Variants in FLT1 observed in about 807,000 individuals in gnomAD.
The protein encoded by FLT1 is vascular endothelial growth factor receptor 1.
Under a neutral mutation model 156.3 loss-of-function variants are expected in FLT1, and 49 were observed. The observed-to-expected ratio is 0.31, with a 90% CI of 0.25 to 0.40. FLT1 has a LOEUF of 0.40. Among genes scored for constraint, FLT1 ranks in the 10% least tolerant of loss-of-function variants. FLT1 has a pLI of 1.00. For synonymous variants in FLT1, 594 were observed against 583.8 expected (o/e 1.02, Z -0.25); for missense variants, 1,322 against 1,637.2 (o/e 0.81, Z 3.32).
At position 28,430,069 on chromosome 13, in the gene FLT1, G is replaced by A; in HGVS notation, c.1087C>T (p.Pro363Ser). The part of the protein sequence containing the change: ...YRLSMKVKAF[P>S]SPEVVWLKDG... ...TCCTACCATACAACTTCCGGCGAGG[G>A]AAATGCCTTCACTTTCATAGAGAGC... The change falls in exon 8 of 30, where the codon CCC becomes TCC. Residue 363 changes from proline to serine, a missense_variant. Transcript: ENST00000282397. 6.2e-7 allele frequency: 1 copy of A among 1,611,986 alleles called. No individual in the cohort carries two copies. The highest frequency in any genetic ancestry group is 8.5e-7 in the Non-Finnish European group (1 of 1,178,062).
intron 10 of FLT1, among the ~76,000 whole-genome samples, chr13:28,416,764 T>A (rs984225562): frequency 6.6e-6 from 1 of 152,176 alleles, no homozygotes; most frequent in African/African-American, 2.4e-5. Flanking sequence ...GGTCTTTAAG[T>A]ACCAATTTTT....
chr13:28,358,404 T>C (rs184179729), intron 14 of FLT1, among the ~76,000 whole-genome samples: 138 of 152,274 alleles, frequency 9.1e-4, no homozygotes, highest in Non-Finnish European at 1.5e-3. Flanking sequence ...AATCTTAAGA[T>C]AAAAATGAAA....
chr13:28,450,139 C>T (rs981450973), intron 3 of FLT1, among the ~76,000 whole-genome samples: 11 of 152,202 alleles, frequency 7.2e-5, no homozygotes, highest in African/African-American at 2.7e-4. Context: ...GCACTGTGCA[C>T]ACGGACAGTC....
chr13:28,387,658 C>G (rs1474972586), intron 13 of FLT1: 3 of 1,064,936 alleles, frequency 2.8e-6, no homozygotes, highest in Non-Finnish European at 3.4e-6. Flanking sequence ...CCTCACACCC[C>G]CTGTTCCATT....
chr13:28,389,167 C>A, intron 13 of FLT1: 1 of 1,067,706 alleles, frequency 9.4e-7, no homozygotes, highest in Non-Finnish European at 1.1e-6. Flanking sequence ...AAAGCATTTT[C>A]AAATAAATAA....
chr13:28,424,025 A>G (rs750168777), intron 10 of FLT1, among the ~76,000 whole-genome samples: 4 of 151,682 alleles, frequency 2.6e-5, no homozygotes, highest in Non-Finnish European at 5.9e-5. Context: ...ATCTCAGCTC[A>G]TTGCAACCTC....
At chr13:28,323,284 C>T (rs973402223) in intron 20 of FLT1, among the ~76,000 whole-genome samples, 2 of 152,084 alleles carry the variant, frequency 1.3e-5, no homozygotes, top group African/African-American at 2.4e-5. Flanking sequence ...AACAATTTTA[C>T]GAAGTAGTTC....
At chr13:28,316,802 T>C (rs1371307196) in intron 25 of FLT1, among the ~76,000 whole-genome samples, 3 of 152,064 alleles carry the variant, frequency 2.0e-5, no homozygotes, top group South Asian at 2.1e-4. Context: ...TTTGTATTTT[T>C]AGTAGAGACG....
intron 14 of FLT1, among the ~76,000 whole-genome samples, chr13:28,370,327 G>A (rs1209474342): frequency 6.6e-6 from 1 of 152,174 alleles, no homozygotes; most frequent in African/African-American, 2.4e-5. Flanking sequence ...ATGATGGGGG[G>A]AGAGGGGAAG....
At chr13:28,381,939 A>G (rs1231598078) in intron 14 of FLT1, among the ~76,000 whole-genome samples, 3 of 152,208 alleles carry the variant, frequency 2.0e-5, no homozygotes, top group Non-Finnish European at 4.4e-5. Context: ...TTATTTATTA[A>G]TTGTCAAGTA....
At position 28,354,845 on chromosome 13, in the gene FLT1, T is replaced by C. The variant is rs114720782; in HGVS notation, c.2248+2709A>G. On this transcript the variant is annotated intron_variant, in intron 15 of 29. Transcript: ENST00000282397. ...CATTATATATGCCATATATTATATA[T>C]ATGTGGCAACCCATATGGGCAATTC... Among the ~76,000 whole-genome samples, 1,180 of 152,138 alleles carry C rather than the reference T, an allele frequency of 7.8e-3. 15 individuals are homozygous for C. Among genetic ancestry groups the C allele is most frequent in the African/African-American group, 0.026 (1,093 of 41,500 alleles).
intron 1 of FLT1, among the ~76,000 whole-genome samples, chr13:28,473,765 G>A (rs1320395010): frequency 1.1e-4 from 10 of 92,542 alleles, no homozygotes; most frequent in Admixed American, 3.6e-4. Context: ...AAGGAAGGAA[G>A]GAAGGAAGGA....
At chr13:28,315,247 T>C (rs1182317669) in intron 25 of FLT1, among the ~76,000 whole-genome samples, 1 of 152,198 alleles carries the variant, frequency 6.6e-6, no homozygotes, top group Non-Finnish European at 1.5e-5. Context: ...TACTATTCAA[T>C]ACTGTTATAA....
chr13:28,442,016 C>T (rs571601829), intron 3 of FLT1, among the ~76,000 whole-genome samples: 1 of 152,262 alleles, frequency 6.6e-6, no homozygotes, highest in East Asian at 1.9e-4. Flanking sequence ...TAGAATGAGA[C>T]ATTAACTGTC....
At chr13:28,329,870 T>C (rs1871854912) in intron 18 of FLT1, 142 bp from the exon 19 acceptor site, 1 of 727,246 alleles carries the variant, frequency 1.4e-6, no homozygotes, top group African/African-American at 1.7e-5. Context: ...AGGCCAAGTC[T>C]CCAGACTGTT....
At chr13:28,473,822 GA>G (rs1413619383) in intron 1 of FLT1, among the ~76,000 whole-genome samples, 20 of 123,638 alleles carry the variant, frequency 1.6e-4, no homozygotes, top group Non-Finnish European at 2.5e-4. Flanking sequence ...AAGAAAGAAA[GA>G]AAGAAAGAAA....
At chr13:28,368,807 C>T (rs1008776098) in intron 14 of FLT1, 10 of 549,902 alleles carry the variant, frequency 1.8e-5, no homozygotes, top group Admixed American at 9.2e-5. Flanking sequence ...CGGGTTCAAG[C>T]GATTCTTCTG....
At chr13:28,481,703 T>C (rs1470106116) in intron 1 of FLT1, among the ~76,000 whole-genome samples, 1 of 152,244 alleles carries the variant, frequency 6.6e-6, no homozygotes, top group African/African-American at 2.4e-5. Context: ...TCTTAGGGGC[T>C]GTCATTTAGA....
intron 14 of FLT1, among the ~76,000 whole-genome samples, chr13:28,377,471 T>C (rs995919570): frequency 6.9e-5 from 10 of 144,884 alleles, no homozygotes; most frequent in African/African-American, 2.2e-4. Context: ...CTTATTCCAT[T>C]TTTAGACCAA....
Sources: allele counts gnomAD v4.1 joint callset (sites outside exome capture counted in the v4.1 genomes callset), GRCh38; gene constraint gnomAD v4.1.1; transcripts MANE v1.5; gene names NCBI Gene and HGNC (gene_info 2026-07-23, HGNC 2026-07-21).